SH3PXD2B: variants seen among roughly 807,000 people sequenced by gnomAD.
The protein encoded by SH3PXD2B is SH3 and PX domains 2B.
Under a neutral mutation model 73.1 loss-of-function variants are expected in SH3PXD2B, and 37 were observed. The ratio of observed to expected loss-of-function variants is 0.51; its 90% CI spans 0.39 to 0.67. The LOEUF is 0.67. Among genes scored for constraint, SH3PXD2B ranks in the 30% least tolerant of loss-of-function variants. The pLI, the probability that SH3PXD2B is intolerant of heterozygous loss-of-function variation, is 0.00. For synonymous variants in SH3PXD2B, 457 were observed against 480.5 expected (o/e 0.95, Z 0.64); for missense variants, 1,053 against 1,197.8 (o/e 0.88, Z 1.78).
At chr5:172,340,727 TG>T (rs34350071) in intron 12 of SH3PXD2B, among the ~76,000 whole-genome samples, 1 of 152,190 alleles carries the variant, frequency 6.6e-6, no homozygotes, top group Non-Finnish European at 1.5e-5. Context: ...CCCAAGTAGC[TG>T]GGATTACAGG....
intron 12 of SH3PXD2B, among the ~76,000 whole-genome samples, chr5:172,345,328 A>C (rs932231374): frequency 6.6e-6 from 1 of 152,164 alleles, no homozygotes; most frequent in Admixed American, 6.5e-5. Flanking sequence ...ACAACTCTTC[A>C]GGGCCTAGAA....
chr5:172,347,112 G>A (rs374726175), intron 11 of SH3PXD2B, among the ~76,000 whole-genome samples, 171 bp downstream of exon 11: 40 of 152,250 alleles, frequency 2.6e-4, no homozygotes, highest in Middle Eastern at 3.4e-3. Context: ...CTGCACCTCC[G>A]TCTTTCCACC....
At chr5:172,376,582 T>TAA (rs1290912559) in intron 5 of SH3PXD2B, among the ~76,000 whole-genome samples, 4 of 152,180 alleles carry the variant, frequency 2.6e-5, no homozygotes, top group Non-Finnish European at 1.5e-5. Context: ...GGGGCTACAG[T>TAA]CCTCCTGTAT....
chr5:172,404,340 C>T (rs1288063237), intron 3 of SH3PXD2B, among the ~76,000 whole-genome samples: 1 of 152,006 alleles, frequency 6.6e-6, no homozygotes, highest in Non-Finnish European at 1.5e-5. Flanking sequence ...TAGAGTTTCA[C>T]TCTTTCACCC....
chr5:172,340,046 G>A (rs1756817908), intron 12 of SH3PXD2B, 130 bp from the exon 13 acceptor site: 2 of 1,510,632 alleles, frequency 1.3e-6, no homozygotes, highest in African/African-American at 1.4e-5. Context: ...CCTCTGACAA[G>A]GTCTACAGGG....
chr5:172,360,809 G>A (rs988403703), intron 7 of SH3PXD2B, among the ~76,000 whole-genome samples: 3 of 152,192 alleles, frequency 2.0e-5, no homozygotes, highest in East Asian at 1.9e-4. Context: ...GCCAGCCGGG[G>A]CAACAGAGTG....
In SH3PXD2B at chr5:172,338,070, T is replaced by A; in HGVS notation, c.*299A>T. ...AGGTCTTGGAGAGTCTTGGTCCCACTGCTGGGTGGCAATGCCATTGGCCAG... is the reference window on the plus strand; with the variant it reads ...AGGTCTTGGAGAGTCTTGGTCCCACAGCTGGGTGGCAATGCCATTGGCCAG... On this transcript the variant is annotated 3_prime_UTR_variant, in exon 13 of 13. Transcript: ENST00000311601. This position sits in a 1 kb window ranked among gnomAD's most constrained non-coding sequence, Gnocchi z 5.1. 7.6e-7 allele frequency: 1 copy of A among 1,318,894 alleles called. No individual in the cohort carries two copies. Among genetic ancestry groups the A allele is most frequent in the South Asian group, 1.6e-5 (1 of 64,508 alleles). The allele number at this position is 1,318,894 out of a possible 1,614,324, so 81.7% of individuals were successfully genotyped here. A position where few individuals can be genotyped will look rare whatever the true frequency, so the allele number is the denominator to read the frequency against.
At chr5:172,435,594 C>T (rs886626436) in intron 1 of SH3PXD2B, among the ~76,000 whole-genome samples, 7 of 151,974 alleles carry the variant, frequency 4.6e-5, no homozygotes, top group Non-Finnish European at 8.8e-5. Flanking sequence ...GGCTAATAAA[C>T]AAATTTTTTT....
intron 1 of SH3PXD2B, among the ~76,000 whole-genome samples, chr5:172,425,288 G>T (rs1220948538): frequency 6.6e-6 from 1 of 152,132 alleles, no homozygotes; most frequent in Non-Finnish European, 1.5e-5. Flanking sequence ...GAGATACTAT[G>T]GGGAGCAAGG....
intron 3 of SH3PXD2B, among the ~76,000 whole-genome samples, chr5:172,402,084 C>T (rs529105249): frequency 2.1e-4 from 32 of 152,270 alleles, no homozygotes; most frequent in Admixed American, 3.9e-4. Flanking sequence ...GGAGAAATAT[C>T]GCTGAATTCT....
chr5:172,376,158 T>C (rs969565490), intron 5 of SH3PXD2B, among the ~76,000 whole-genome samples: 1 of 151,998 alleles, frequency 6.6e-6, no homozygotes, highest in South Asian at 2.1e-4. Context: ...GCCTCCCATG[T>C]AGCTGGGATT....
intron 7 of SH3PXD2B, 97 bp downstream of exon 7, chr5:172,362,638 C>T: frequency 6.3e-7 from 1 of 1,581,972 alleles, no homozygotes; most frequent in East Asian, 2.2e-5. Context: ...ACTGGCCAGT[C>T]TGGACTGGCC....
Position 172,339,471 on chromosome 5 carries a change from C to T in SH3PXD2B, c.1634G>A (p.Arg545Lys). 1 of 1,613,818 alleles carries T rather than the reference C, an allele frequency of 6.2e-7. No homozygotes were observed. The highest frequency in any genetic ancestry group is 8.5e-7 in the Non-Finnish European group (1 of 1,179,854). Reference protein sequence around the residue: ...ELLERERERQRTEQLRGPTPK... With the variant: ...ELLERERERQKTEQLRGPTPK... ...AGTGGGGCCCCGGAGCTGCTCCGTC[C>T]TCTGCCGCTCCCGCTCCCGCTCCAG... is the stretch of plus-strand genomic sequence containing the variant. Residue 545 changes from arginine to lysine, a missense_variant, in exon 13 of 13, where the codon AGG becomes AAG. This residue lies in a region of SH3PXD2B where 587 missense variants were observed against 590.7 expected (regional missense o/e 0.99). Coordinates refer to ENST00000311601, the MANE Select transcript of SH3PXD2B (RefSeq NM_001017995.3). This position sits in a 1 kb window ranked among gnomAD's most constrained non-coding sequence, Gnocchi z 6.1.
chr5:172,380,346 G>A (rs552600064), intron 5 of SH3PXD2B, among the ~76,000 whole-genome samples: 1 of 152,190 alleles, frequency 6.6e-6, no homozygotes, highest in South Asian at 2.1e-4. Flanking sequence ...CAGGCGTGAG[G>A]GAATGACAGT....
At chr5:172,374,418 A>T in intron 5 of SH3PXD2B, among the ~76,000 whole-genome samples, 1 of 152,212 alleles carries the variant, frequency 6.6e-6, no homozygotes, top group East Asian at 1.9e-4. Context: ...ATGGTGCTTC[A>T]CGCCTGTAAT....
intron 1 of SH3PXD2B, among the ~76,000 whole-genome samples, chr5:172,453,365 C>T (rs1759846312): frequency 6.6e-6 from 1 of 152,172 alleles, no homozygotes; most frequent in Admixed American, 6.5e-5. Context: ...CTCATGTGGG[C>T]CCATCACCCC....
intron 6 of SH3PXD2B, among the ~76,000 whole-genome samples, chr5:172,363,694 C>A (rs372271627): frequency 2.0e-5 from 3 of 151,954 alleles, no homozygotes; most frequent in East Asian, 1.9e-4. Flanking sequence ...TTGGGGTCTT[C>A]GGGACTGGAA....
At position 172,347,424 on chromosome 5, in the gene SH3PXD2B, T is replaced by C. The variant is rs960849571; in HGVS notation, c.1013-92A>G. 17 of 1,327,774 alleles carry C rather than the reference T, an allele frequency of 1.3e-5. 1 individual carries two copies. Among genetic ancestry groups the C allele is most frequent in the East Asian group, 2.3e-5 (1 of 43,202 alleles). The allele number at this position is 1,327,774 out of a possible 1,614,324, so 82.2% of individuals were successfully genotyped here. On this transcript the variant is annotated intron_variant, in intron 10 of 12. Transcript: ENST00000311601. ...CGGGTCTATTTTCTCCTGCAGAAGA[T>C]TGAACACAGGCGTCTGCATGCTGCT...
chr5:172,364,259 T>C (rs952005951), intron 6 of SH3PXD2B, among the ~76,000 whole-genome samples: 6 of 152,104 alleles, frequency 3.9e-5, no homozygotes, highest in African/African-American at 1.2e-4. Context: ...AGCCAGACAT[T>C]TGCGGTCACA....
Sources: allele counts gnomAD v4.1 joint callset (sites outside exome capture counted in the v4.1 genomes callset), GRCh38; gene constraint gnomAD v4.1.1; regional missense constraint gnomAD v4.1.1; non-coding constraint Gnocchi (gnomAD v3.1); transcripts MANE v1.5; gene names NCBI Gene and HGNC (gene_info 2026-07-23, HGNC 2026-07-21).